Variants in PIP5K1A observed in about 807,000 individuals in gnomAD.
PIP5K1A encodes phosphatidylinositol 4-phosphate 5-kinase type-1 alpha.
In PIP5K1A, 46 loss-of-function variants were observed where a neutral mutation model predicts 72.9. The observed-to-expected ratio is 0.63, with a 90% CI of 0.50 to 0.81. The LOEUF is 0.81. Among genes scored for constraint, PIP5K1A ranks in the 30% least tolerant of loss-of-function variants. The pLI is 0.00. For synonymous variants in PIP5K1A, 228 were observed against 255.1 expected, an observed-to-expected ratio of 0.89 and a Z score of 1.01; for missense variants, 458 against 706.1, an observed-to-expected ratio of 0.65 and a Z score of 3.98.
At chr1:151,247,037 G>A in intron 15 of PIP5K1A, 72 bp downstream of exon 15, 1 of 991,256 alleles carries the variant, frequency 1.0e-6, no homozygotes. Flanking sequence ...GCCTGGAGCA[G>A]GAAGTTAATT....
chr1:151,242,288 G>T lies in PIP5K1A; in HGVS notation c.1510+19G>T, dbSNP rs200642651. 1.5e-5 allele frequency: 25 copies of T among 1,613,550 alleles called. No homozygotes were observed. In the East Asian group the frequency reaches 2.9e-4, roughly 19 times the overall value. On this transcript the variant is annotated intron_variant, in intron 13 of 15. Transcript: ENST00000368888. ...GAGCCAGGTCAGCGCTAGGGCTGGG[G>T]TCCCCATGTGATTGGGTACTCCCTC...
intron 1 of PIP5K1A, among the ~76,000 whole-genome samples, chr1:151,216,537 A>G (rs1687645054): frequency 1.3e-5 from 2 of 152,100 alleles, no homozygotes; most frequent in Non-Finnish European, 2.9e-5. Flanking sequence ...ATTATGAATC[A>G]GTGACTACCT....
rs1167029523 is a variant in PIP5K1A, at chr1:151,249,037, C to CT, written c.*1173dup. On this transcript the variant is annotated 3_prime_UTR_variant, in exon 16 of 16. Transcript: ENST00000368888. The stretch of plus-strand genomic sequence containing the variant: ...CATGCAGGGAAGTTGGAAATGGGGG[C>CT]TACATATGCCCTCTCCTCCCCGTCT... 1 of 152,174 alleles carries CT rather than the reference C, an allele frequency of 6.6e-6. No homozygotes were observed. Among genetic ancestry groups the CT allele is most frequent in the Non-Finnish European group, 1.5e-5 (1 of 68,052 alleles). The allele number at this position is 152,174 out of a possible 1,614,324, so 9.4% of individuals were successfully genotyped here.
intron 1 of PIP5K1A, among the ~76,000 whole-genome samples, chr1:151,201,357 G>GTT (rs369894732): frequency 2.1e-5 from 3 of 145,948 alleles, no homozygotes; most frequent in East Asian, 2.1e-4. Flanking sequence ...TGTTTTTGTG[G>GTT]TTTTTTTTTT....
chr1:151,227,217 G>T, intron 3 of PIP5K1A, 103 bp from the exon 4 acceptor site: 1 of 693,090 alleles, frequency 1.4e-6, no homozygotes, highest in Admixed American at 2.3e-5. Flanking sequence ...TTTTAATCTA[G>T]AAAGAATATG....
upstream of PIP5K1A, chr1:151,198,434 A>G (rs1464223613): frequency 8.2e-6 from 2 of 244,260 alleles, no homozygotes; most frequent in African/African-American, 2.3e-5. Context: ...TGGACTCGTC[A>G]GGGCGTGAGG....
chr1:151,199,059 C>T lies in PIP5K1A; in HGVS notation c.63C>T (p.Val21=). 1.2e-6 allele frequency: 2 copies of T among 1,614,142 alleles called. No homozygotes were observed. Among genetic ancestry groups the T allele is most frequent in the Middle Eastern group, 1.6e-4 (1 of 6,062 alleles). The change falls in exon 1 of 16, where the codon GTC becomes GTT. Residue 21 remains valine (V), a synonymous_variant. Coordinates refer to ENST00000368888, the MANE Select transcript of PIP5K1A (RefSeq NM_001135638.2). ...SVGFSSFDPA[V]PSCTLSSAAS... Reference sequence around the variant, plus strand: ...GTTTTTCATCCTTTGATCCCGCGGTCCCTTCCTGTACCTTGTCCTCAGGTA... The same window carrying T: ...GTTTTTCATCCTTTGATCCCGCGGTTCCTTCCTGTACCTTGTCCTCAGGTA...
In PIP5K1A at chr1:151,236,559, T is replaced by G; in HGVS notation, c.941T>G (p.Val314Gly). Residue 314 changes from valine (V) to glycine (G), a missense_variant and splice_region_variant, in exon 9 of 16, where the codon GTG becomes GGG. Transcript: ENST00000368888. Reference sequence around the variant, plus strand: ...ATCATGTTTTTTTCCTTCCATTAGGTGCTGCAGAGCTTCAAGATAATGGAT... The same window carrying G: ...ATCATGTTTTTTTCCTTCCATTAGGGGCTGCAGAGCTTCAAGATAATGGAT... ...LCKTLQRDCL[V>G]LQSFKIMDYS... The G allele has an allele frequency of 6.3e-7, 1 of 1,578,556 alleles. No individual in the cohort carries two copies. Among genetic ancestry groups the G allele is most frequent in the Non-Finnish European group, 8.7e-7 (1 of 1,147,558 alleles).
intron 1 of PIP5K1A, among the ~76,000 whole-genome samples, chr1:151,199,582 C>T (rs1383449540): frequency 6.6e-6 from 1 of 151,058 alleles, no homozygotes; most frequent in Admixed American, 6.6e-5. Context: ...CCACTGCTCT[C>T]CAGTCTGGGC....
intron 1 of PIP5K1A, among the ~76,000 whole-genome samples, chr1:151,203,688 G>T (rs1477296374): frequency 1.3e-5 from 2 of 151,842 alleles, no homozygotes; most frequent in African/African-American, 4.8e-5. Context: ...GCTAGTCATG[G>T]TGGCACACTC....
chr1:151,235,097 T>G (rs1346380149), intron 8 of PIP5K1A, among the ~76,000 whole-genome samples: 2 of 152,228 alleles, frequency 1.3e-5, no homozygotes, highest in African/African-American at 4.8e-5. Context: ...TTTTTTATTT[T>G]TTGAGATGGA....
In PIP5K1A at chr1:151,239,996, G is replaced by A; in HGVS notation, c.1320G>A (p.Arg440=). 2 of 1,612,196 alleles carry A rather than the reference G, an allele frequency of 1.2e-6. No homozygotes were observed. Among genetic ancestry groups the A allele is most frequent in the South Asian group, 1.1e-5 (1 of 90,926 alleles). The part of the protein sequence containing the change: ...SVHRPGFYAE[R]FQRFMCNTVF... ...ATCGCCCAGGCTTCTACGCTGAACG[G>A]TTCCAGCGCTTCATGTGCAACACAG... Residue 440 remains arginine (R), a synonymous_variant, in exon 12 of 16, where the codon CGG becomes CGA. Transcript: ENST00000368888.
chr1:151,241,010 C>T (rs935237175), intron 12 of PIP5K1A, among the ~76,000 whole-genome samples: 5 of 151,906 alleles, frequency 3.3e-5, no homozygotes, highest in African/African-American at 4.8e-5. Flanking sequence ...ACTAAAAATA[C>T]TAAAATTAGC....
intron 1 of PIP5K1A, among the ~76,000 whole-genome samples, chr1:151,202,264 C>T (rs1434521896): frequency 6.6e-6 from 1 of 152,140 alleles, no homozygotes; most frequent in African/African-American, 2.4e-5. Context: ...CAGAGTTTCA[C>T]CAAAACTTAA....
chr1:151,242,689 C>A, intron 14 of PIP5K1A, 122 bp downstream of exon 14: 1 of 869,680 alleles, frequency 1.1e-6, no homozygotes, highest in Non-Finnish European at 1.8e-6. Context: ...AAATAACAAA[C>A]ATATATCATA....
At chr1:151,226,605 C>T (rs906957897) in intron 3 of PIP5K1A, among the ~76,000 whole-genome samples, 2 of 150,124 alleles carry the variant, frequency 1.3e-5, no homozygotes, top group African/African-American at 4.9e-5. Flanking sequence ...CTCAGCTACT[C>T]GGGAGGCTGA....
chr1:151,218,833 A>C (rs1411326842), intron 1 of PIP5K1A, among the ~76,000 whole-genome samples: 3 of 11,314 alleles, frequency 2.7e-4, no homozygotes, highest in African/African-American at 8.4e-4. Flanking sequence ...CTCTGTCTCA[A>C]AAAAAAAAAA....
At chr1:151,196,542 G>C (rs1033392103), upstream of PIP5K1A, among the ~76,000 whole-genome samples, 2 of 145,480 alleles carry the variant, frequency 1.4e-5, no homozygotes, top group Admixed American at 7.4e-5. Flanking sequence ...TGCAGTAAAT[G>C]CATGGGGATT....
At chr1:151,201,256 G>A (rs1448359524) in intron 1 of PIP5K1A, among the ~76,000 whole-genome samples, 1 of 152,120 alleles carries the variant, frequency 6.6e-6, no homozygotes, top group African/African-American at 2.4e-5. Flanking sequence ...ATTAAGTCAG[G>A]TGTTTGCTTT....
Sources: gnomAD v4.1 joint callset for allele counts (sites outside exome capture counted in the v4.1 genomes callset) on GRCh38, gnomAD v4.1.1 for gene constraint, MANE v1.5 for transcripts, NCBI Gene and HGNC (gene_info 2026-07-23, HGNC 2026-07-21) for gene names.